KRT34: variants seen among roughly 807,000 people sequenced by gnomAD.
KRT34 encodes keratin, type I cuticular Ha4.
A neutral mutation model predicts 41.7 loss-of-function variants in KRT34; 31 were observed. The observed-to-expected ratio is 0.74, with a 90% confidence interval of 0.56 to 1.00. KRT34 has a LOEUF of 1.00. Among genes scored for constraint, KRT34 ranks in the 50% least tolerant of loss-of-function variants. The probability of loss-of-function intolerance (pLI) is 0.00; values close to 1 mark genes in which losing one functional copy is unlikely to be tolerated. For synonymous variants in KRT34, 224 were observed against 212.9 expected (o/e 1.05, Z -0.45); for missense variants, 523 against 500.3 (o/e 1.05, Z -0.43).
upstream of KRT34, chr17:41,382,362 G>A (rs569309278): frequency 1.2e-5 from 19 of 1,610,152 alleles, no homozygotes; most frequent in African/African-American, 2.0e-4. Flanking sequence ...TGGGGGCTTG[G>A]CATACAGCAT....
chr17:41,380,241 G>C (rs2017951542), intron 3 of KRT34, among the ~76,000 whole-genome samples: 1 of 148,692 alleles, frequency 6.7e-6, no homozygotes, highest in Non-Finnish European at 1.5e-5. Context: ...CCTGGTGACA[G>C]AGCATGACTC....
chr17:41,379,078 C>T lies in KRT34; in HGVS notation c.975G>A (p.Leu325=). 1 of 1,614,210 alleles carries T rather than the reference C, an allele frequency of 6.2e-7. No homozygotes were observed. Among genetic ancestry groups the T allele is most frequent in the Non-Finnish European group, 8.5e-7 (1 of 1,180,028 alleles). Residue 325 remains leucine (L), a synonymous_variant, in exon 6 of 7, where the codon CTG becomes CTA. Transcript: ENST00000394001. ...GCTCCAGGTCACAGCGGATCTCTGC[C>T]AGCTGAGACTCCACGTTGGTGATCA... ...QSLITNVESQ[L]AEIRCDLERQ... is the part of the protein sequence containing the mutation.
chr17:41,382,952 C>A (rs1447478595), upstream of KRT34, among the ~76,000 whole-genome samples: 2 of 151,718 alleles, frequency 1.3e-5, no homozygotes, highest in African/African-American at 4.8e-5. Flanking sequence ...AGGGCATCTG[C>A]AAATGGCAGC....
intron 2 of KRT34, 63 bp from the exon 3 acceptor site, chr17:41,381,275 G>T: frequency 6.5e-7 from 1 of 1,547,452 alleles, no homozygotes; most frequent in Non-Finnish European, 8.8e-7. Context: ...CTCATGTGTT[G>T]TTTGGGTAGA....
At chr17:41,380,716 G>A (rs992128776) in intron 3 of KRT34, among the ~76,000 whole-genome samples, 1 of 152,240 alleles carries the variant, frequency 6.6e-6, no homozygotes, top group East Asian at 1.9e-4. Context: ...TTCTATACTA[G>A]ACTGTGAGCT....
intron 2 of KRT34, among the ~76,000 whole-genome samples, chr17:41,381,422 T>C (rs2017982954): frequency 6.6e-6 from 1 of 152,158 alleles, no homozygotes; most frequent in Admixed American, 6.5e-5. Context: ...ACACATGAGA[T>C]GAAGTCTCTC....
intron 3 of KRT34, among the ~76,000 whole-genome samples, 160 bp from the exon 4 acceptor site, chr17:41,379,891 G>A (rs1300489636): frequency 6.6e-6 from 1 of 151,726 alleles, no homozygotes; most frequent in African/African-American, 2.4e-5. Flanking sequence ...CTCCAACAGG[G>A]ATCACATCAA....
chr17:41,380,615 T>A (rs2017960058), intron 3 of KRT34, among the ~76,000 whole-genome samples: 1 of 152,226 alleles, frequency 6.6e-6, no homozygotes, highest in Non-Finnish European at 1.5e-5. Flanking sequence ...TTGGGCAGCC[T>A]GGATTATTTC....
At chr17:41,378,640 T>G (rs2144321234) in intron 6 of KRT34, among the ~76,000 whole-genome samples, 1 of 152,326 alleles carries the variant, frequency 6.6e-6, no homozygotes, top group East Asian at 1.9e-4. Flanking sequence ...GAATGCCATG[T>G]GCAGAGGTGG....
At chr17:41,378,547 T>C (rs2017890052) in intron 6 of KRT34, among the ~76,000 whole-genome samples, 1 of 152,112 alleles carries the variant, frequency 6.6e-6, no homozygotes, top group Non-Finnish European at 1.5e-5. Context: ...CACCTCAACC[T>C]CCCAAAGTGG....
rs530445930 is a variant in KRT34 at position 41,377,841 on chromosome 17, G to T, written c.*218C>A. The T allele has an allele frequency of 2.5e-5, 13 of 526,864 alleles. No individual in the cohort carries two copies. Among genetic ancestry groups the T allele is most frequent in the Non-Finnish European group, 3.7e-5 (11 of 293,412 alleles). The allele number at this position is 526,864 out of a possible 1,614,324, so 32.6% of individuals were successfully genotyped here. On this transcript the variant is annotated 3_prime_UTR_variant, in exon 7 of 7. Coordinates refer to ENST00000394001, the MANE Select transcript of KRT34 (RefSeq NM_001386014.1). ...GCTGAACATCTTTAGAAACAAACAG[G>T]CTCGACCCTCAACAGGAAGGAGTTG...
Position 41,379,065 on chromosome 17 carries a change from A to T in KRT34, c.988T>A (p.Cys330Ser), listed in dbSNP as rs61740669. 9.6e-4 allele frequency: 1,553 copies of T among 1,613,986 alleles called. 11 individuals are homozygous for T. In the African/African-American group the frequency reaches 0.017, roughly 17 times the overall value. Residue 330 changes from cysteine (C) to serine (S), a missense_variant, in exon 6 of 7, where the codon TGT (cysteine) becomes AGT (serine). By Grantham distance (112) the Cys-to-Ser change is moderately radical. Coordinates refer to ENST00000394001, the MANE Select transcript of KRT34 (RefSeq NM_001386014.1). ...NVESQLAEIR[C>S]DLERQNQEYQ... The stretch of plus-strand genomic sequence containing the variant: ...TCCTGGTTCTGCCGCTCCAGGTCAC[A>T]GCGGATCTCTGCCAGCTGAGACTCC...
In KRT34 at chr17:41,382,221, C is replaced by T. The variant is rs757098167; in HGVS notation, c.26G>A (p.Ser9Asn). 1.7e-5 allele frequency: 27 copies of T among 1,612,422 alleles called. No homozygotes were observed. The Admixed American group carries it at 4.5e-4, about 27-fold the overall frequency. ...GGAGCAGCTGGTGCGGCAGCCCAGG[C>T]TGGGCAGGCAACAACTGTAAGACAT... The part of the protein sequence containing the change: MSYSCCLP[S>N]LGCRTSCSSR... The change falls in exon 1 of 7, where the codon AGC becomes AAC. Residue 9 changes from serine (S) to asparagine (N), a missense_variant. Ser to Asn is a conservative substitution (Grantham distance 46). Coordinates refer to ENST00000394001, the MANE Select transcript of KRT34 (RefSeq NM_001386014.1).
At position 41,382,054 on chromosome 17, in the gene KRT34, C is replaced by T. The variant is rs202220823; in HGVS notation, c.193G>A (p.Asp65Asn). The change falls in exon 1 of 7, where the codon GAC becomes AAC. Residue 65 changes from aspartate to asparagine, a missense_variant. Coordinates refer to ENST00000394001, the MANE Select transcript of KRT34 (RefSeq NM_001386014.1). Reference protein sequence around the residue: ...SEKETMQFLNDRLASYLEKVR... With the variant: ...SEKETMQFLNNRLASYLEKVR... ...TTCTCCAGGTAGCTGGCCAGGCGGT[C>T]GTTCAGGAACTGCATAGTCTCCTTC... The T allele has an allele frequency of 4.3e-6, 7 of 1,613,786 alleles. No homozygotes were observed. Among genetic ancestry groups the T allele is most frequent in the East Asian group, 4.5e-5 (2 of 44,886 alleles).
chr17:41,381,209 G>A lies in KRT34; in HGVS notation c.435C>T (p.Tyr145=). ...KLASDDFRSK[Y]QTEQSLRLLV... is the part of the protein sequence containing the mutation. ...ACAGCCTCAGGGACTGCTCCGTCTG[G>A]TACCTGCACGTGTCGGAGTGGGAGG... Residue 145 remains tyrosine (Y), a synonymous_variant, in exon 3 of 7, where the codon TAC becomes TAT. Transcript: ENST00000394001. 6.2e-7 allele frequency: 1 copy of A among 1,612,882 alleles called. No individual in the cohort carries two copies. Among genetic ancestry groups the A allele is most frequent in the Non-Finnish European group, 8.5e-7 (1 of 1,179,314 alleles).
At chr17:41,382,796 G>A (rs569248162), upstream of KRT34, among the ~76,000 whole-genome samples, 6 of 152,202 alleles carry the variant, frequency 3.9e-5, no homozygotes, top group African/African-American at 9.6e-5. Context: ...ACCTGTATTC[G>A]CCGAAATGAT....
At chr17:41,383,031 T>A (rs2018027354), upstream of KRT34, among the ~76,000 whole-genome samples, 3 of 151,796 alleles carry the variant, frequency 2.0e-5, no homozygotes, top group Non-Finnish European at 4.4e-5. Context: ...TCTGTTTTTT[T>A]TTTTTTGAGA....
chr17:41,378,999 C>G lies in KRT34; in HGVS notation c.1054G>C (p.Glu352Gln). The change falls in exon 6 of 7, where the codon GAG (glutamate) becomes CAG (glutamine). Residue 352 changes from glutamate (E) to glutamine (Q), a missense_variant. Transcript: ENST00000394001. Reference protein sequence around the residue: ...LLDVRARLECEINTYRSLLES... With the variant: ...LLDVRARLECQINTYRSLLES... ...AGGAGGCTCCGGTACGTGTTGATCT[C>G]ACACTCCAGCCGGGCACGCACGTCC... The G allele has an allele frequency of 6.2e-7, 1 of 1,614,172 alleles. No individual in the cohort carries two copies. Among genetic ancestry groups the G allele is most frequent in the African/African-American group, 1.3e-5 (1 of 75,026 alleles).
chr17:41,378,898 G>A (rs2017905104), intron 6 of KRT34, 58 bp downstream of exon 6: 2 of 1,602,182 alleles, frequency 1.2e-6, no homozygotes, highest in African/African-American at 1.3e-5. Flanking sequence ...CACCATTTGT[G>A]TGCCTACAAT....
Sources: gnomAD v4.1 joint callset for allele counts (sites outside exome capture counted in the v4.1 genomes callset) on GRCh38, gnomAD v4.1.1 for gene constraint, MANE v1.5 for transcripts, NCBI Gene and HGNC (gene_info 2026-07-23, HGNC 2026-07-21) for gene names.